RUBCNL: variants seen among roughly 807,000 people sequenced by gnomAD.
The protein encoded by RUBCNL is rubicon like autophagy enhancer.
A neutral mutation model predicts 69.5 loss-of-function variants in RUBCNL; 62 were observed. That is an observed-to-expected ratio of 0.89 (90% CI 0.73 to 1.10). The LOEUF is 1.10. Ranked by LOEUF, RUBCNL falls within the 50% of genes least tolerant of loss-of-function variation. RUBCNL has a pLI of 0.00. For missense variants in RUBCNL, 768 were observed against 798.1 expected (o/e 0.96, Z 0.45); for synonymous variants, 291 against 303.6 (o/e 0.96, Z 0.43).
chr13:46,372,361 G>T lies in RUBCNL; in HGVS notation c.115C>A (p.Pro39Thr). ...ATGAGCCTGATGTCTAATTGGCAAGGAGGATGGTCAGTGTTCAGGAGTCTG... is the reference window on the plus strand; with the variant it reads ...ATGAGCCTGATGTCTAATTGGCAAGTAGGATGGTCAGTGTTCAGGAGTCTG... Reference protein sequence around the residue: ...SPRLLNTDHPPCQLDIRLMRH... With the variant: ...SPRLLNTDHPTCQLDIRLMRH... Residue 39 changes from proline to threonine, a missense_variant, in exon 3 of 15, where the codon CCT becomes ACT. Coordinates refer to ENST00000429979, the MANE Select transcript of RUBCNL (RefSeq NM_025113.5). 1.9e-6 allele frequency: 3 copies of T among 1,614,030 alleles called. No individual in the cohort carries two copies. The highest frequency in any genetic ancestry group is 2.5e-6 in the Non-Finnish European group (3 of 1,179,900).
At chr13:46,354,526 G>A (rs187771173) in intron 10 of RUBCNL, among the ~76,000 whole-genome samples, 4 of 152,246 alleles carry the variant, frequency 2.6e-5, no homozygotes, top group South Asian at 2.1e-4. Context: ...TCTGGGCCCC[G>A]CCTACATCTG....
At position 46,337,837 on chromosome 13, in the gene RUBCNL, G is replaced by A. The variant is rs1184235026; in HGVS notation, c.*5548C>T. On this transcript the variant is annotated 3_prime_UTR_variant, in exon 15 of 15. Transcript: ENST00000429979. ...AGTCCAATGCAGGCACCGCACTCCT[G>A]AGTAGTTCTATTTCAAACAATCACT... is the stretch of plus-strand genomic sequence containing the variant. Among the ~76,000 whole-genome samples the A allele has an allele frequency of 3.3e-5, 5 of 152,214 alleles. No homozygotes were observed. The highest frequency in any genetic ancestry group is 1.2e-4 in the African/African-American group (5 of 41,452).
At chr13:46,385,398 T>G in intron 1 of RUBCNL, 1 of 293,198 alleles carries the variant, frequency 3.4e-6, no homozygotes, top group Non-Finnish European at 5.1e-6. Context: ...TTATAGTCTC[T>G]GGAAGGCTGG....
chr13:46,376,259 CTATG>C (rs1375422149), intron 2 of RUBCNL, among the ~76,000 whole-genome samples: 1 of 151,828 alleles, frequency 6.6e-6, no homozygotes, highest in Non-Finnish European at 1.5e-5. Flanking sequence ...AGGGTCAACT[CTATG>C]TGTGTGTGTA....
intron 9 of RUBCNL, among the ~76,000 whole-genome samples, chr13:46,357,193 C>CGTG (rs1287017003): frequency 1.3e-5 from 2 of 151,524 alleles, no homozygotes; most frequent in African/African-American, 4.8e-5. Flanking sequence ...ATTAGCCGGG[C>CGTG]GTGGTGGTGG....
intron 5 of RUBCNL, among the ~76,000 whole-genome samples, chr13:46,366,535 C>T (rs570847976): frequency 1.6e-4 from 25 of 152,340 alleles, no homozygotes; most frequent in East Asian, 5.8e-4. Context: ...TGTTCTATAT[C>T]TTAAGACAAA....
chr13:46,352,093 G>T (rs1054816672), intron 10 of RUBCNL, among the ~76,000 whole-genome samples: 1 of 152,198 alleles, frequency 6.6e-6, no homozygotes, highest in Non-Finnish European at 1.5e-5. Context: ...CTCCCAAAGT[G>T]TTGGGATTAC....
rs35790339 is a variant in RUBCNL at position 46,364,699 on chromosome 13, G to GT, written c.827-1487dup. ...ATGCACTCTGCTATTTTCTACCCTT[G>GT]TTTTTTTTTTTTTTAATGTTCTCAG... On this transcript the variant is annotated intron_variant, in intron 5 of 14. Transcript: ENST00000429979. Among the ~76,000 whole-genome samples the GT allele has an allele frequency of 3.8e-3, 521 of 136,400 alleles. 5 individuals are homozygous for GT. The highest frequency in any genetic ancestry group is 0.014 in the South Asian group (62 of 4,348). The allele number at this position is 136,400 out of a possible 152,430, so 89.5% of individuals were successfully genotyped here.
At chr13:46,366,757 G>A (rs1046053602) in intron 5 of RUBCNL, among the ~76,000 whole-genome samples, 1 of 152,116 alleles carries the variant, frequency 6.6e-6, no homozygotes, top group African/African-American at 2.4e-5. Flanking sequence ...GAGTGATGGA[G>A]AGATGACTAG....
rs1566532977 is a variant in RUBCNL at position 46,335,251 on chromosome 13, G to GTTTTT, written c.*8133_*8134insAAAAA. Among the ~76,000 whole-genome samples, 1 of 103,368 alleles carries GTTTTT rather than the reference G, an allele frequency of 9.7e-6. No individual in the cohort carries two copies. The highest frequency in any genetic ancestry group is 4.0e-5 in the African/African-American group (1 of 24,960). 67.8% of individuals were successfully genotyped at this position (103,368 alleles called of 152,430 possible). On this transcript the variant is annotated 3_prime_UTR_variant, in exon 15 of 15. Coordinates refer to ENST00000429979, the MANE Select transcript of RUBCNL (RefSeq NM_025113.5). ...AGCTAATTTGTGTCTTTTTGTTGTT[G>GTTTTT]TTGTTGTTGTTTTTTTTTTTTTTTT... is the stretch of plus-strand genomic sequence containing the variant.
At chr13:46,361,336 T>C in intron 8 of RUBCNL, 105 bp downstream of exon 8, 1 of 1,226,546 alleles carries the variant, frequency 8.2e-7, no homozygotes, top group Non-Finnish European at 1.1e-6. Context: ...TCTCCCCTAA[T>C]ATCCAGTGAC....
Position 46,356,438 on chromosome 13 carries a change from C to G in RUBCNL, c.1324G>C (p.Glu442Gln). The G allele has an allele frequency of 6.2e-7, 1 of 1,613,968 alleles. No individual in the cohort carries two copies. The highest frequency in any genetic ancestry group is 8.5e-7 in the Non-Finnish European group (1 of 1,179,864). Reference sequence around the variant, plus strand: ...ATCCATTATCCGTACTTACTAGGCTCTACTGGAGTTCCACAGCCGGCACAG... The same window carrying G: ...ATCCATTATCCGTACTTACTAGGCTGTACTGGAGTTCCACAGCCGGCACAG... ...FFCAGCGTPV[E>Q]PKFVKRLRYC... The change falls in exon 10 of 15, where the codon GAG (glutamate) becomes CAG (glutamine). Residue 442 changes from glutamate to glutamine, a missense_variant. By Grantham distance (29) the Glu-to-Gln change is conservative (BLOSUM62 2). Coordinates refer to ENST00000429979, the MANE Select transcript of RUBCNL (RefSeq NM_025113.5).
rs2048803001 is a variant in RUBCNL, at chr13:46,368,248, T to C, written c.620A>G (p.Glu207Gly). 1.2e-6 allele frequency: 2 copies of C among 1,611,276 alleles called. No individual in the cohort carries two copies. Among genetic ancestry groups the C allele is most frequent in the Non-Finnish European group, 1.7e-6 (2 of 1,178,338 alleles). ...ATCTGCAACATAAAAGTGGGCATTT[T>C]CCTGCAGAAAAAGAAATCAATTAAA... The part of the protein sequence containing the change: ...VFVLPVDVEK[E>G]NAHFYVADMI... The change falls in exon 5 of 15, where the codon GAA (glutamate) becomes GGA (glycine). Residue 207 changes from glutamate to glycine, a missense_variant and splice_region_variant. By Grantham distance (98) the Glu-to-Gly change is moderately conservative. Coordinates refer to ENST00000429979, the MANE Select transcript of RUBCNL (RefSeq NM_025113.5).
chr13:46,376,351 A>G (rs1233802235), intron 2 of RUBCNL, among the ~76,000 whole-genome samples: 1 of 152,110 alleles, frequency 6.6e-6, no homozygotes, highest in Non-Finnish European at 1.5e-5. Flanking sequence ...TATAACATAT[A>G]TTAATATATA....
chr13:46,371,868 A>T (rs918579374), intron 3 of RUBCNL, 73 bp downstream of exon 3: 63 of 1,473,532 alleles, frequency 4.3e-5, no homozygotes, highest in Non-Finnish European at 4.9e-5. Flanking sequence ...GAAGACAACA[A>T]GGCAGGCTTT....
intron 7 of RUBCNL, among the ~76,000 whole-genome samples, chr13:46,361,891 T>C (rs2048619638): frequency 6.6e-6 from 1 of 152,130 alleles, no homozygotes; most frequent in Non-Finnish European, 1.5e-5. Context: ...ATCCTATATA[T>C]GAGTCTCAAT....
rs200367006 is a variant in RUBCNL at position 46,359,438 on chromosome 13, C to T, written c.1265+48G>A. ...CCATAGAGTCAGGTGGGATCTGTCACAATGTGATTTAAATGGATTGGAGGC... is the reference window on the plus strand; with the variant it reads ...CCATAGAGTCAGGTGGGATCTGTCATAATGTGATTTAAATGGATTGGAGGC... On this transcript the variant is annotated intron_variant, in intron 9 of 14. Transcript: ENST00000429979. 2,674 of 1,552,058 alleles carry T rather than the reference C, an allele frequency of 1.7e-3. 3 individuals are homozygous for T. The highest frequency in any genetic ancestry group is 2.3e-3 in the Non-Finnish European group (2,567 of 1,139,218).
intron 2 of RUBCNL, among the ~76,000 whole-genome samples, chr13:46,375,142 C>T (rs1282895721): frequency 6.6e-6 from 1 of 152,176 alleles, no homozygotes; most frequent in Non-Finnish European, 1.5e-5. Flanking sequence ...CTGTTCCCTG[C>T]CGGGTAGCAT....
chr13:46,377,988 C>T lies in RUBCNL; in HGVS notation c.-221G>A. On this transcript the variant is annotated 5_prime_UTR_variant, in exon 2 of 15. Transcript: ENST00000429979. ...TGCAGTAGTGACAGGAGGTCAATAT[C>T]CCCATTTTTTATTTTATCTGTAAGG... The T allele has an allele frequency of 6.4e-7, 1 of 1,565,900 alleles. No individual in the cohort carries two copies. The highest frequency in any genetic ancestry group is 8.6e-7 in the Non-Finnish European group (1 of 1,159,048).
Sources: allele counts gnomAD v4.1 joint callset (sites outside exome capture counted in the v4.1 genomes callset), GRCh38; gene constraint gnomAD v4.1.1; transcripts MANE v1.5; gene names NCBI Gene and HGNC (gene_info 2026-07-23, HGNC 2026-07-21).